Variants in AGTPBP1 observed in about 807,000 individuals in gnomAD.
AGTPBP1 encodes ATP/GTP binding carboxypeptidase 1, also known as cytosolic carboxypeptidase 1.
A neutral mutation model predicts 143.9 loss-of-function variants in AGTPBP1; 70 were observed. The observed-to-expected ratio is 0.49, with a 90% confidence interval of 0.40 to 0.59. AGTPBP1 has a LOEUF of 0.59. Ranked by LOEUF, AGTPBP1 falls within the 20% of genes least tolerant of loss-of-function variation. The pLI is 0.00. For synonymous variants in AGTPBP1, 463 were observed against 500.2 expected (o/e 0.93, Z 0.99); for missense variants, 1,229 against 1,464.5 (o/e 0.84, Z 2.62).
chr9:85,623,927 A>G (rs1004730810), intron 14 of AGTPBP1, among the ~76,000 whole-genome samples: 1 of 152,172 alleles, frequency 6.6e-6, no homozygotes, highest in African/African-American at 2.4e-5. Flanking sequence ...AGGGACTATA[A>G]CCTCAAACTT....
chr9:85,595,919 T>A (rs965048281), intron 18 of AGTPBP1, among the ~76,000 whole-genome samples: 3 of 152,104 alleles, frequency 2.0e-5, no homozygotes, highest in Admixed American at 6.6e-5. Context: ...TTGGAACACA[T>A]CTCCAGTTAA....
upstream of AGTPBP1, among the ~76,000 whole-genome samples, chr9:85,746,161 A>G (rs536971969): frequency 2.0e-5 from 3 of 152,164 alleles, no homozygotes; most frequent in Non-Finnish European, 2.9e-5. Flanking sequence ...GATGGAACCA[A>G]TCTGTGAGCC....
At chr9:85,595,798 A>T (rs111417064) in intron 18 of AGTPBP1, among the ~76,000 whole-genome samples, 4 of 152,236 alleles carry the variant, frequency 2.6e-5, no homozygotes, top group African/African-American at 7.2e-5. Flanking sequence ...AAGTGCTGGG[A>T]TTACAGGCAT....
At chr9:85,558,904 C>T (rs1373669988) in intron 25 of AGTPBP1, among the ~76,000 whole-genome samples, 3 of 152,216 alleles carry the variant, frequency 2.0e-5, no homozygotes, top group African/African-American at 4.8e-5. Context: ...CAGGCGTGAG[C>T]CACTGCACCT....
the AGTPBP1 span, among the ~76,000 whole-genome samples, chr9:85,773,192 G>C: frequency 8.1e-5 from 12 of 148,186 alleles, no homozygotes; most frequent in African/African-American, 3.0e-4. Context: ...ATGAACCTGG[G>C]AGGCGGAGCT....
At position 85,633,321 on chromosome 9, in the gene AGTPBP1, T is replaced by A. The variant is rs779858521; in HGVS notation, c.1356A>T (p.Val452=). Residue 452 remains valine (V), a synonymous_variant, in exon 14 of 26, where the codon GTA becomes GTT. Coordinates refer to ENST00000357081, the MANE Select transcript of AGTPBP1 (RefSeq NM_001330701.2). ...EPKPFVFEGK[V]RGPIVVPTAG... is the part of the protein sequence containing the mutation. ...CCGTAGGAACAACAATAGGACCACGTACTTTTCCCTCAAATACAAAAGGCT... is the reference window on the plus strand; with the variant it reads ...CCGTAGGAACAACAATAGGACCACGAACTTTTCCCTCAAATACAAAAGGCT... 2 of 1,600,060 alleles carry A rather than the reference T, an allele frequency of 1.2e-6. No individual in the cohort carries two copies. The highest frequency in any genetic ancestry group is 3.6e-5 in the Admixed American group (2 of 55,724).
the AGTPBP1 span, among the ~76,000 whole-genome samples, chr9:85,801,505 T>C: frequency 6.6e-6 from 1 of 152,062 alleles, no homozygotes; most frequent in Non-Finnish European, 1.5e-5. Flanking sequence ...GTGGCAGAGC[T>C]AGCATCTGTA....
the AGTPBP1 span, among the ~76,000 whole-genome samples, chr9:85,794,209 G>C: frequency 6.6e-6 from 1 of 152,122 alleles, no homozygotes; most frequent in Non-Finnish European, 1.5e-5. Context: ...ATGCCCAAAA[G>C]AAGCAAGTAT....
At chr9:85,769,520 C>CA in the AGTPBP1 span, among the ~76,000 whole-genome samples, 2,642 of 60,072 alleles carry the variant, frequency 0.044, 60 homozygotes, top group African/African-American at 0.071. Flanking sequence ...ACCCTGTGTC[C>CA]AAAAAAAAAA....
intron 17 of AGTPBP1, among the ~76,000 whole-genome samples, chr9:85,612,437 G>A (rs1242654124): frequency 6.6e-6 from 1 of 152,160 alleles, no homozygotes; most frequent in Non-Finnish European, 1.5e-5. Context: ...CCAACTCCAT[G>A]GGGAAAAAAG....
intron 7 of AGTPBP1, among the ~76,000 whole-genome samples, chr9:85,671,395 A>G (rs904210834): frequency 6.6e-6 from 1 of 151,952 alleles, no homozygotes; most frequent in Admixed American, 6.6e-5. Context: ...TTAGATATCT[A>G]ATTCATTTGT....
At chr9:85,677,328 A>C (rs996328646) in intron 6 of AGTPBP1, 108 bp downstream of exon 6, 116 of 1,000,302 alleles carry the variant, frequency 1.2e-4, no homozygotes, top group Non-Finnish European at 1.6e-4. Context: ...GTATCCATAG[A>C]AATTTAAAAT....
intron 25 of AGTPBP1, among the ~76,000 whole-genome samples, chr9:85,565,038 T>C (rs1176802196): frequency 3.9e-5 from 6 of 152,150 alleles, no homozygotes; most frequent in African/African-American, 1.2e-4. Flanking sequence ...AAATCAGCCA[T>C]TGCCTTGCTC....
chr9:85,679,187 CCAT>C (rs1419064253), intron 4 of AGTPBP1, among the ~76,000 whole-genome samples: 1 of 152,022 alleles, frequency 6.6e-6, no homozygotes, highest in Non-Finnish European at 1.5e-5. Flanking sequence ...ATTTATACTC[CCAT>C]CAGCAATGCA....
At chr9:85,733,117 A>G (rs917682138) in intron 1 of AGTPBP1, among the ~76,000 whole-genome samples, 1 of 152,210 alleles carries the variant, frequency 6.6e-6, no homozygotes, top group Non-Finnish European at 1.5e-5. Flanking sequence ...TTTGAACAAC[A>G]CAATGAATCA....
At chr9:85,728,006 C>T (rs1838615865) in intron 1 of AGTPBP1, among the ~76,000 whole-genome samples, 1 of 143,444 alleles carries the variant, frequency 7.0e-6, no homozygotes, top group Non-Finnish European at 1.5e-5. Flanking sequence ...CAAGCAAGAC[C>T]GTGTCTCAAA....
In AGTPBP1 at chr9:85,723,578, G is replaced by A. The variant is rs549700215; in HGVS notation, c.-33-11012C>T. Among the ~76,000 whole-genome samples, 238 of 152,340 alleles carry A rather than the reference G, an allele frequency of 1.6e-3. 8 individuals carry two copies. The highest frequency in any genetic ancestry group is 2.3e-3 in the South Asian group (11 of 4,830). On this transcript the variant is annotated intron_variant, in intron 1 of 25. Coordinates refer to ENST00000357081, the MANE Select transcript of AGTPBP1 (RefSeq NM_001330701.2). ...CGCAGTATTTGGGCAGGAATGTACCGTTCCTCCAAGTACAGACTGTCATGG... is the reference window on the plus strand; with the variant it reads ...CGCAGTATTTGGGCAGGAATGTACCATTCCTCCAAGTACAGACTGTCATGG...
intron 3 of AGTPBP1, among the ~76,000 whole-genome samples, chr9:85,692,272 A>ATT (rs1255296569): frequency 2.7e-4 from 36 of 135,828 alleles, no homozygotes; most frequent in Middle Eastern, 4.1e-3. Context: ...AGAAAGTTTG[A>ATT]TTTTTTTTTT....
At chr9:85,645,090 C>T (rs957575139) in intron 12 of AGTPBP1, among the ~76,000 whole-genome samples, 3 of 152,132 alleles carry the variant, frequency 2.0e-5, no homozygotes, top group Non-Finnish European at 4.4e-5. Context: ...GAGAACCTCT[C>T]TCTTCCTCTG....
Sources: gnomAD v4.1 joint callset for allele counts (sites outside exome capture counted in the v4.1 genomes callset) on GRCh38, gnomAD v4.1.1 for gene constraint, MANE v1.5 for transcripts, NCBI Gene and HGNC (gene_info 2026-07-23, HGNC 2026-07-21) for gene names.